The following PTPRN2 variants were observed in gnomAD, a reference collection of about 807,000 sequenced individuals.
PTPRN2 encodes receptor-type tyrosine-protein phosphatase N2.
A neutral mutation model predicts 118.8 loss-of-function variants in PTPRN2; 74 were observed. The ratio of observed to expected loss-of-function variants is 0.62; its 90% CI spans 0.52 to 0.76. The LOEUF (loss-of-function observed/expected upper bound fraction) is 0.76. Among genes scored for constraint, PTPRN2 ranks in the 30% least tolerant of loss-of-function variants. The pLI, the probability that PTPRN2 is intolerant of heterozygous loss-of-function variation, is 0.00. For missense variants in PTPRN2, 1,481 were observed against 1,394.4 expected (o/e 1.06, Z -0.99); for synonymous variants, 641 against 608.0 (o/e 1.05, Z -0.80).
chr7:157,800,672 G>A (rs1805211582), intron 12 of PTPRN2, among the ~76,000 whole-genome samples: 1 of 152,130 alleles, frequency 6.6e-6, no homozygotes, highest in South Asian at 2.1e-4. Context: ...ATGAATACCT[G>A]CCGGGTGCGG....
At chr7:158,507,282 G>A (rs534188858) in intron 1 of PTPRN2, among the ~76,000 whole-genome samples, 1 of 151,912 alleles carries the variant, frequency 6.6e-6, no homozygotes, top group East Asian at 1.9e-4. Flanking sequence ...CAGTGTGCAG[G>A]AGACTGCACA....
intron 11 of PTPRN2, among the ~76,000 whole-genome samples, chr7:158,014,611 C>A (rs550559042): frequency 6.6e-6 from 1 of 152,206 alleles, no homozygotes; most frequent in Admixed American, 6.5e-5. Context: ...TTCCACCCAT[C>A]CCTCATCCAT....
At position 157,861,922 on chromosome 7, in the gene PTPRN2, A is replaced by T. The variant is rs1479811243; in HGVS notation, c.1788+36751T>A. Among the ~76,000 whole-genome samples, 1 of 119,698 alleles carries T rather than the reference A, an allele frequency of 8.4e-6. No individual in the cohort carries two copies. The highest frequency in any genetic ancestry group is 8.5e-5 in the Admixed American group (1 of 11,786). 78.5% of individuals were successfully genotyped at this position (119,698 alleles called of 152,430 possible). A position where few individuals can be genotyped will look rare whatever the true frequency, so the allele number is the denominator to read the frequency against. On this transcript the variant is annotated intron_variant, in intron 12 of 22. Coordinates refer to ENST00000389418, the MANE Select transcript of PTPRN2 (RefSeq NM_002847.5). This position sits in a 1 kb window ranked among gnomAD's most constrained non-coding sequence, Gnocchi z 5.8. The stretch of plus-strand genomic sequence containing the variant: ...CTGCTTCGAGGACTCTGTGTGCCGG[A>T]GTCTGTCCTCCCCATCACAGGGACA...
chr7:157,597,540 T>C (rs954169343), intron 16 of PTPRN2, among the ~76,000 whole-genome samples: 5 of 152,062 alleles, frequency 3.3e-5, no homozygotes, highest in Admixed American at 2.6e-4. Flanking sequence ...ATTGTAAGCA[T>C]GTTCAAACTA....
rs887358017 is a variant in PTPRN2 at position 157,690,517 on chromosome 7, C to A, written c.1789-7580G>T. On this transcript the variant is annotated intron_variant, in intron 12 of 22. Transcript: ENST00000389418. The surrounding 1 kb of genome is among the most constrained non-coding windows in gnomAD (Gnocchi z 7.1). Reference sequence around the variant, plus strand: ...TTCCAGGGCCCACCCAACCGCACTACGAGCGCCCGCGCCCCGCCCGGCACC... The same window carrying A: ...TTCCAGGGCCCACCCAACCGCACTAAGAGCGCCCGCGCCCCGCCCGGCACC... 1.3e-5 allele frequency among the ~76,000 whole-genome samples: 2 copies of A among 152,060 alleles called. No homozygotes were observed. The highest frequency in any genetic ancestry group is 4.8e-5 in the African/African-American group (2 of 41,430).
chr7:158,173,062 CA>C (rs1242387178), intron 5 of PTPRN2, among the ~76,000 whole-genome samples: 1 of 151,812 alleles, frequency 6.6e-6, no homozygotes, highest in Non-Finnish European at 1.5e-5. Context: ...TCATCAACAA[CA>C]GCATCTCCAC....
chr7:158,356,608 TTAAA>T (rs1384252809), intron 2 of PTPRN2, among the ~76,000 whole-genome samples: 2 of 152,146 alleles, frequency 1.3e-5, no homozygotes, highest in Admixed American at 6.5e-5. Context: ...TGCACACCTC[TTAAA>T]TAAACAGGCT....
intron 12 of PTPRN2, among the ~76,000 whole-genome samples, chr7:157,694,749 G>A (rs1797684474): frequency 6.6e-6 from 1 of 151,468 alleles, no homozygotes; most frequent in Non-Finnish European, 1.5e-5. Context: ...GAATAATGAT[G>A]TGAGGATTTT....
chr7:157,582,021 C>T (rs947979083), intron 17 of PTPRN2, among the ~76,000 whole-genome samples: 2 of 152,210 alleles, frequency 1.3e-5, no homozygotes, highest in East Asian at 1.9e-4. Flanking sequence ...CTTCGGAGAG[C>T]GTGGCCCTGC....
chr7:158,400,408 T>C (rs1325893746), intron 2 of PTPRN2, among the ~76,000 whole-genome samples: 1 of 152,018 alleles, frequency 6.6e-6, no homozygotes, highest in Non-Finnish European at 1.5e-5. Flanking sequence ...GACACACAGC[T>C]CCTCAGAAAC....
intron 12 of PTPRN2, among the ~76,000 whole-genome samples, chr7:157,824,006 T>G (rs912126304): frequency 5.3e-5 from 8 of 152,194 alleles, no homozygotes; most frequent in Admixed American, 1.3e-4. Flanking sequence ...GCAGATGGAC[T>G]GGCTCAAAAG....
intron 6 of PTPRN2, 96 bp downstream of exon 6, chr7:158,166,835 A>C: frequency 1.5e-6 from 2 of 1,347,394 alleles, no homozygotes; most frequent in Admixed American, 3.3e-5. Flanking sequence ...CGGTGTGCAG[A>C]CCCCACGTGT....
At chr7:157,689,077 A>G (rs1488003855) in intron 12 of PTPRN2, among the ~76,000 whole-genome samples, 1 of 152,138 alleles carries the variant, frequency 6.6e-6, no homozygotes, top group African/African-American at 2.4e-5. Context: ...CGGCGCTCGC[A>G]GCCCCCGGGC....
intron 1 of PTPRN2, among the ~76,000 whole-genome samples, chr7:158,510,461 TC>T (rs1823096851): frequency 6.6e-6 from 1 of 152,088 alleles, no homozygotes; most frequent in East Asian, 1.9e-4. Context: ...TCTCTCTCTC[TC>T]TCTCTCTCTC....
chr7:158,034,428 T>TC (rs2128884529), intron 11 of PTPRN2, among the ~76,000 whole-genome samples: 1 of 152,314 alleles, frequency 6.6e-6, no homozygotes, highest in African/African-American at 2.4e-5. Flanking sequence ...CCCATGCTGT[T>TC]CGTGTGATAG....
chr7:158,142,006 T>C (rs538281435), intron 6 of PTPRN2, among the ~76,000 whole-genome samples: 1 of 152,330 alleles, frequency 6.6e-6, no homozygotes, highest in African/African-American at 2.4e-5. Flanking sequence ...CGTTGAGGCC[T>C]CTGAATTGTT....
At chr7:157,840,173 CTG>C (rs1023609712) in intron 12 of PTPRN2, among the ~76,000 whole-genome samples, 1 of 142,544 alleles carries the variant, frequency 7.0e-6, no homozygotes, top group Non-Finnish European at 1.5e-5. Context: ...CCCTGTGTGA[CTG>C]TGTGACCGTG....
intron 2 of PTPRN2, among the ~76,000 whole-genome samples, chr7:158,377,677 C>T (rs572099324): frequency 2.4e-4 from 36 of 152,312 alleles, no homozygotes; most frequent in African/African-American, 7.5e-4. Context: ...AAACCGGCAT[C>T]GGTGGTTTAT....
At position 157,919,872 on chromosome 7, in the gene PTPRN2, C is replaced by T. The variant is rs1441846483; in HGVS notation, c.1724-21135G>A. ...GAGCTGACAAATTCCTGTCACCTTG[C>T]GACGTCACAGCCATCGTAAAGCCAC... On this transcript the variant is annotated intron_variant, in intron 11 of 22. Coordinates refer to ENST00000389418, the MANE Select transcript of PTPRN2 (RefSeq NM_002847.5). 2.6e-5 allele frequency among the ~76,000 whole-genome samples: 4 copies of T among 152,276 alleles called. 1 individual carries two copies. The South Asian group carries it at 8.3e-4, about 32-fold the overall frequency.
Sources: gnomAD v4.1 joint callset for allele counts (sites outside exome capture counted in the v4.1 genomes callset) on GRCh38, gnomAD v4.1.1 for gene constraint, Gnocchi (gnomAD v3.1) non-coding constraint, MANE v1.5 for transcripts, NCBI Gene and HGNC (gene_info 2026-07-23, HGNC 2026-07-21) for gene names.